Variants in ALK observed in about 807,000 individuals in gnomAD.
ALK encodes ALK receptor tyrosine kinase.
ALK carries 74 observed loss-of-function variants against 163.1 expected under a neutral mutation model. The observed-to-expected ratio is 0.45, with a 90% CI of 0.38 to 0.55. The LOEUF (loss-of-function observed/expected upper bound fraction) is 0.55. Ranked by LOEUF, ALK falls within the 20% of genes least tolerant of loss-of-function variation. The pLI is 0.00. For synonymous variants in ALK, 960 were observed against 843.2 expected, an observed-to-expected ratio of 1.14 and a Z score of -2.40; for missense variants, 2,063 against 2,105.3, an observed-to-expected ratio of 0.98 and a Z score of 0.39.
chr2:29,745,306 C>T (rs1392918002), intron 1 of ALK, among the ~76,000 whole-genome samples: 1 of 152,170 alleles, frequency 6.6e-6, no homozygotes, highest in African/African-American at 2.4e-5. Flanking sequence ...GGACTGAAGG[C>T]TCACTCTCTT....
At chr2:29,548,129 G>A (rs1258959418) in intron 3 of ALK, among the ~76,000 whole-genome samples, 1 of 152,098 alleles carries the variant, frequency 6.6e-6, no homozygotes, top group Non-Finnish European at 1.5e-5. Flanking sequence ...TGTGGCAGCT[G>A]TCTTGTAACC....
chr2:29,627,291 AG>A (rs1180814548), intron 3 of ALK, among the ~76,000 whole-genome samples: 1 of 152,198 alleles, frequency 6.6e-6, no homozygotes, highest in Non-Finnish European at 1.5e-5. Flanking sequence ...GTACCCAGAG[AG>A]GACAACACAA....
chr2:29,226,861 T>C (rs1664011131), intron 18 of ALK, 61 bp downstream of exon 18: 1 of 1,603,980 alleles, frequency 6.2e-7, no homozygotes. Flanking sequence ...AAACCATTTG[T>C]GGTCATGGGC....
In ALK at chr2:29,233,299, A is replaced by C. The variant is rs111783707; in HGVS notation, c.2487+266T>G. ...CTAGGACTACAGGTGCAAGCCACCAAAACTGGCTAATTTTTAAATTTTTTT... is the reference window on the plus strand; with the variant it reads ...CTAGGACTACAGGTGCAAGCCACCACAACTGGCTAATTTTTAAATTTTTTT... On this transcript the variant is annotated intron_variant, in intron 14 of 28. Coordinates refer to ENST00000389048, the MANE Select transcript of ALK (RefSeq NM_004304.5). 4.0e-3 allele frequency among the ~76,000 whole-genome samples: 604 copies of C among 152,098 alleles called. 6 individuals are homozygous for C. Among genetic ancestry groups the C allele is most frequent in the African/African-American group, 0.014 (592 of 41,488 alleles).
Position 29,609,189 on chromosome 2 carries a change from G to T in ALK, c.953-77073C>A, listed in dbSNP as rs1310239579. Among the ~76,000 whole-genome samples the T allele has an allele frequency of 2.0e-5, 3 of 152,192 alleles. No homozygotes were observed. The South Asian group carries it at 6.2e-4, about 32-fold the overall frequency. ...TCTGCCTGCCTCGGCCTCCCAGAGTGCTGGGATTACAGGTGTGAGCCACCA... is the reference window on the plus strand; with the variant it reads ...TCTGCCTGCCTCGGCCTCCCAGAGTTCTGGGATTACAGGTGTGAGCCACCA... On this transcript the variant is annotated intron_variant, in intron 3 of 28. Transcript: ENST00000389048.
At chr2:29,612,650 G>A (rs1375178911) in intron 3 of ALK, among the ~76,000 whole-genome samples, 1 of 152,136 alleles carries the variant, frequency 6.6e-6, no homozygotes, top group East Asian at 1.9e-4. Flanking sequence ...CCCTAGCCCT[G>A]AACGATCGCC....
At chr2:29,258,575 A>G (rs72852067) in intron 11 of ALK, among the ~76,000 whole-genome samples, 1,669 of 152,312 alleles carry the variant, frequency 0.011, 34 homozygotes, top group African/African-American at 0.037. Flanking sequence ...TTGGTTCTCT[A>G]TCATCCTCTG....
rs558188929 is a variant in ALK at position 29,313,753 on chromosome 2, A to G, written c.1647+4551T>C. Among the ~76,000 whole-genome samples the G allele has an allele frequency of 2.0e-5, 3 of 152,136 alleles. No individual in the cohort carries two copies. The South Asian group carries it at 6.2e-4, about 32-fold the overall frequency. ...GGATCTGCTCTGGAAAACGAGTTGA[A>G]TTCAATAGTTATGCTCATCTTCTTT... On this transcript the variant is annotated intron_variant, in intron 8 of 28. Coordinates refer to ENST00000389048, the MANE Select transcript of ALK (RefSeq NM_004304.5).
At chr2:29,907,119 T>G (rs1226240514) in intron 1 of ALK, 1 of 151,968 alleles carries the variant, frequency 6.6e-6, no homozygotes, top group Non-Finnish European at 1.5e-5. Context: ...TGAACTCTAT[T>G]TTAAGAGGAA....
chr2:29,763,335 T>C (rs1481130914), intron 1 of ALK, among the ~76,000 whole-genome samples: 1 of 152,142 alleles, frequency 6.6e-6, no homozygotes, highest in Non-Finnish European at 1.5e-5. Flanking sequence ...ATTATAATCA[T>C]TATAAATGCC....
intron 4 of ALK, among the ~76,000 whole-genome samples, chr2:29,384,966 A>T (rs1245501410): frequency 6.6e-6 from 1 of 151,934 alleles, no homozygotes; most frequent in Non-Finnish European, 1.5e-5. Flanking sequence ...CAGGAGAATC[A>T]CTTGAACCAG....
At chr2:29,356,824 G>T (rs1045335961) in intron 5 of ALK, among the ~76,000 whole-genome samples, 10 of 152,170 alleles carry the variant, frequency 6.6e-5, no homozygotes, top group African/African-American at 2.2e-4. Flanking sequence ...ATTCTGAGCT[G>T]TCTTGGACAG....
At chr2:29,885,431 A>C (rs751214920) in intron 1 of ALK, among the ~76,000 whole-genome samples, 1 of 152,198 alleles carries the variant, frequency 6.6e-6, no homozygotes, top group Non-Finnish European at 1.5e-5. Flanking sequence ...CTGTTGTTAT[A>C]GAAAACGTTG....
intron 3 of ALK, among the ~76,000 whole-genome samples, chr2:29,585,475 T>C (rs1674855715): frequency 6.6e-6 from 1 of 152,010 alleles, no homozygotes. Flanking sequence ...AACAGGTGCG[T>C]GCCACCACAC....
chr2:29,407,044 C>T (rs1669602445), intron 4 of ALK, among the ~76,000 whole-genome samples: 1 of 152,174 alleles, frequency 6.6e-6, no homozygotes, highest in African/African-American at 2.4e-5. Flanking sequence ...TGATTAGCAG[C>T]ACATCTTATT....
At chr2:29,849,970 G>A (rs538178319) in intron 1 of ALK, among the ~76,000 whole-genome samples, 52 of 152,214 alleles carry the variant, frequency 3.4e-4, no homozygotes, top group Admixed American at 6.5e-4. Context: ...TTAGAGGAGA[G>A]GAAATTAGTG....
chr2:29,503,830 C>T (rs142167330), intron 4 of ALK, among the ~76,000 whole-genome samples: 2 of 151,950 alleles, frequency 1.3e-5, no homozygotes, highest in African/African-American at 4.8e-5. Flanking sequence ...CTACTAAGTG[C>T]TATGAATGGT....
At chr2:29,523,131 G>C (rs34368201) in intron 4 of ALK, among the ~76,000 whole-genome samples, 41,086 of 151,980 alleles carry the variant, frequency 0.27, 6,228 homozygotes, top group Non-Finnish European at 0.34. Flanking sequence ...GCAGGAGGGG[G>C]AGGAAGAAAC....
chr2:29,698,765 C>T (rs1308418990), intron 2 of ALK, among the ~76,000 whole-genome samples: 3 of 152,164 alleles, frequency 2.0e-5, no homozygotes, highest in African/African-American at 2.4e-5. Context: ...GCAAATGTAC[C>T]GATTAAAATG....
Sources: allele counts gnomAD v4.1 joint callset (sites outside exome capture counted in the v4.1 genomes callset), GRCh38; gene constraint gnomAD v4.1.1; transcripts MANE v1.5; gene names NCBI Gene and HGNC (gene_info 2026-07-23, HGNC 2026-07-21).